PUS7: variants seen among roughly 807,000 people sequenced by gnomAD.
The protein encoded by PUS7 is pseudouridine synthase 7.
A neutral mutation model predicts 79.8 loss-of-function variants in PUS7; 48 were observed. That is an observed-to-expected ratio of 0.60 (90% CI 0.48 to 0.76). PUS7 has a LOEUF of 0.76. Among genes scored for constraint, PUS7 ranks in the 30% least tolerant of loss-of-function variants. The pLI, the probability that PUS7 is intolerant of heterozygous loss-of-function variation, is 0.00. For synonymous variants in PUS7, 286 were observed against 272.2 expected, an observed-to-expected ratio of 1.05 and a Z score of -0.50; for missense variants, 729 against 797.6, an observed-to-expected ratio of 0.91 and a Z score of 1.04.
intron 5 of PUS7, among the ~76,000 whole-genome samples, chr7:105,496,790 G>A (rs1327165883): frequency 1.3e-5 from 2 of 152,044 alleles, no homozygotes; most frequent in Admixed American, 1.3e-4. Context: ...TTTAGTCCTT[G>A]GTGTGAATTC....
chr7:105,461,429 C>G (rs1823422640), intron 14 of PUS7, among the ~76,000 whole-genome samples: 1 of 152,006 alleles, frequency 6.6e-6, no homozygotes, highest in South Asian at 2.1e-4. Flanking sequence ...CTATATTGCC[C>G]AGGCTTGTCT....
intron 2 of PUS7, 63 bp from the exon 3 acceptor site, chr7:105,506,336 A>G: frequency 8.3e-7 from 1 of 1,205,424 alleles, no homozygotes; most frequent in East Asian, 2.4e-5. Flanking sequence ...ATTTTAAGAT[A>G]AAGTTGATCA....
intron 12 of PUS7, among the ~76,000 whole-genome samples, chr7:105,466,344 A>G (rs1823643221): frequency 6.6e-6 from 1 of 151,244 alleles, no homozygotes; most frequent in Admixed American, 6.6e-5. Flanking sequence ...TGCAGCCTCA[A>G]CCTCCTGGGC....
chr7:105,484,605 G>GCCCGGGAGGCAGA, intron 7 of PUS7, among the ~76,000 whole-genome samples: 1 of 151,494 alleles, frequency 6.6e-6, no homozygotes, highest in Non-Finnish European at 1.5e-5. Flanking sequence ...GATTACCTGA[G>GCCCGGGAGGCAGA]GTCAGGAATT....
At chr7:105,501,913 C>T (rs983927925) in intron 5 of PUS7, among the ~76,000 whole-genome samples, 9 of 148,526 alleles carry the variant, frequency 6.1e-5, no homozygotes, top group Admixed American at 3.4e-4. Context: ...CGAGATCGTG[C>T]CACTGCACTC....
At position 105,458,518 on chromosome 7, in the gene PUS7, C is replaced by T. The variant is rs563805508; in HGVS notation, c.1850-592G>A. Among the ~76,000 whole-genome samples, 344 of 151,302 alleles carry T rather than the reference C, an allele frequency of 2.3e-3. 2 individuals carry two copies. Among genetic ancestry groups the T allele is most frequent in the African/African-American group, 7.2e-3 (295 of 41,186 alleles). The stretch of plus-strand genomic sequence containing the variant: ...CTGACCTCAAGTGATCCACTTGTCT[C>T]GGTCTCCCAAACTGCTGGGATTACA... On this transcript the variant is annotated intron_variant, in intron 15 of 15. Coordinates refer to ENST00000469408, the MANE Select transcript of PUS7 (RefSeq NM_019042.5).
intron 4 of PUS7, among the ~76,000 whole-genome samples, chr7:105,503,585 A>T (rs1825340084): frequency 6.6e-6 from 1 of 152,190 alleles, no homozygotes. Flanking sequence ...TTCACAAAAC[A>T]AGATTCATAC....
intron 9 of PUS7, among the ~76,000 whole-genome samples, chr7:105,476,012 G>A (rs73190112): frequency 0.14 from 21,181 of 150,874 alleles, 1,690 homozygotes; most frequent in South Asian, 0.18. Flanking sequence ...GTGATAGCAC[G>A]TGTCAAAATT....
chr7:105,506,228 G>A lies in PUS7; in HGVS notation c.444C>T (p.Ile148=). Residue 148 remains isoleucine (I), a synonymous_variant, in exon 3 of 16, where the codon ATC becomes ATT. Coordinates refer to ENST00000469408, the MANE Select transcript of PUS7 (RefSeq NM_019042.5). ...VVHEIGKDGR[I]SHLNDLSIPV... ...GAATGGACAAGTCATTCAAATGGCTGATCCGTCCATCTTTTCCTATTTCAT... is the reference window on the plus strand; with the variant it reads ...GAATGGACAAGTCATTCAAATGGCTAATCCGTCCATCTTTTCCTATTTCAT... 6.2e-7 allele frequency: 1 copy of A among 1,613,490 alleles called. No individual in the cohort carries two copies. Among genetic ancestry groups the A allele is most frequent in the South Asian group, 1.1e-5 (1 of 90,860 alleles).
At chr7:105,512,096 G>C (rs1249488951) in intron 1 of PUS7, among the ~76,000 whole-genome samples, 2 of 138,222 alleles carry the variant, frequency 1.4e-5, no homozygotes, top group Non-Finnish European at 3.0e-5. Context: ...AGTGAGTCGG[G>C]ACTGCACCAC....
intron 9 of PUS7, among the ~76,000 whole-genome samples, chr7:105,479,908 G>C (rs1033683009): frequency 2.9e-4 from 44 of 152,308 alleles, no homozygotes; most frequent in Admixed American, 2.6e-4. Flanking sequence ...TGAGGCAGGA[G>C]AATCACTTGA....
Position 105,496,216 on chromosome 7 carries a change from T to TAG in PUS7, c.731-964_731-963insCT, listed in dbSNP as rs1335946389. On this transcript the variant is annotated intron_variant, in intron 5 of 15. Coordinates refer to ENST00000469408, the MANE Select transcript of PUS7 (RefSeq NM_019042.5). ...ACACACATATATATATATATATATA[T>TAG]ATATATATATAGAGAGAGAGAGAGA... 3.0e-3 allele frequency among the ~76,000 whole-genome samples: 228 copies of TAG among 76,694 alleles called. 2 individuals carry two copies. Among genetic ancestry groups the TAG allele is most frequent in the Admixed American group, 4.2e-3 (25 of 5,968 alleles). 50.3% of individuals were successfully genotyped at this position (76,694 alleles called of 152,430 possible).
rs772002480 is a variant in PUS7, at chr7:105,459,174, C to T, written c.1843G>A (p.Ala615Thr). The change falls in exon 15 of 16, where the codon GCT becomes ACT. Residue 615 changes from alanine to threonine, a missense_variant. Transcript: ENST00000469408. ...NLEGKTPPVFASEGKYRALKM... is the reference protein window; with the variant it reads ...NLEGKTPPVFTSEGKYRALKM... Reference sequence around the variant, plus strand: ...GATGACTGAGTAAACTTACCAGAAGCAAAAACTGGTGGTGTCTTCCCTTCT... The same window carrying T: ...GATGACTGAGTAAACTTACCAGAAGTAAAAACTGGTGGTGTCTTCCCTTCT... 2.5e-6 allele frequency: 4 copies of T among 1,605,406 alleles called. No homozygotes were observed. The African/African-American group carries it at 5.4e-5, about 22-fold the overall frequency.
At chr7:105,460,542 G>A (rs953813911) in intron 14 of PUS7, among the ~76,000 whole-genome samples, 13 of 152,090 alleles carry the variant, frequency 8.5e-5, no homozygotes, top group African/African-American at 3.1e-4. Context: ...TAAAGCTTTA[G>A]ATAATACTGA....
At chr7:105,517,561 A>G (rs1825944922) in intron 1 of PUS7, among the ~76,000 whole-genome samples, 1 of 152,208 alleles carries the variant, frequency 6.6e-6, no homozygotes, top group Non-Finnish European at 1.5e-5. Context: ...TAATTTTAAC[A>G]GTATTTTAAA....
rs568156047 is a variant in PUS7, at chr7:105,473,179, G to A, written c.1176-986C>T. ...TTGCCTAGGCAAATAGAATAAATAC[G>A]ATTTACTCTTATCATTCTTGTCAAA... On this transcript the variant is annotated intron_variant, in intron 9 of 15. Coordinates refer to ENST00000469408, the MANE Select transcript of PUS7 (RefSeq NM_019042.5). Among the ~76,000 whole-genome samples the A allele has an allele frequency of 5.8e-4, 88 of 151,318 alleles. 1 individual carries two copies. Among genetic ancestry groups the A allele is most frequent in the Non-Finnish European group, 5.4e-4 (37 of 67,990 alleles).
intron 1 of PUS7, among the ~76,000 whole-genome samples, chr7:105,510,697 T>A (rs1261943785): frequency 6.6e-6 from 1 of 152,014 alleles, no homozygotes; most frequent in Non-Finnish European, 1.5e-5. Flanking sequence ...TAATTTTTGG[T>A]AGAGACAGGG....
At chr7:105,484,799 C>CA (rs140115911) in intron 7 of PUS7, among the ~76,000 whole-genome samples, 91 of 93,060 alleles carry the variant, frequency 9.8e-4, no homozygotes, top group Middle Eastern at 7.9e-3. Flanking sequence ...GCTTGGCTGT[C>CA]AAAAAAAAAA....
chr7:105,505,546 T>C lies in PUS7; in HGVS notation c.585+409A>G, dbSNP rs553492841. ...ACAACGGACATTGTGGTATAATTGG[T>C]ACTCTGGGATTCTAAACAACATATG... is the stretch of plus-strand genomic sequence containing the variant. On this transcript the variant is annotated intron_variant, in intron 4 of 15. Transcript: ENST00000469408. 2.4e-3 allele frequency among the ~76,000 whole-genome samples: 359 copies of C among 152,272 alleles called. 2 individuals carry two copies. Among genetic ancestry groups the C allele is most frequent in the Admixed American group, 3.1e-3 (47 of 15,290 alleles).
Sources: gnomAD v4.1 joint callset for allele counts (sites outside exome capture counted in the v4.1 genomes callset) on GRCh38, gnomAD v4.1.1 for gene constraint, MANE v1.5 for transcripts, NCBI Gene and HGNC (gene_info 2026-07-23, HGNC 2026-07-21) for gene names.